The following PKIB variants were observed in gnomAD, a reference collection of about 807,000 sequenced individuals.
PKIB encodes the protein PKI-beta.
PKIB carries 2 observed loss-of-function variants against 4.5 expected under a neutral mutation model. The observed-to-expected ratio is 0.44, with a 90% CI of 0.18 to 1.39. The LOEUF (loss-of-function observed/expected upper bound fraction) is 1.39. Ranked by LOEUF, PKIB falls within the 40% of genes most tolerant of loss-of-function variation. The pLI, the probability that PKIB is intolerant of heterozygous loss-of-function variation, is 0.27. For synonymous variants in PKIB, 38 were observed against 36.0 expected (o/e 1.06, Z -0.20); for missense variants, 94 against 92.6 (o/e 1.02, Z -0.06).
At chr6:122,618,372 T>C (rs992154089) in intron 1 of PKIB, among the ~76,000 whole-genome samples, 4 of 152,108 alleles carry the variant, frequency 2.6e-5, no homozygotes, top group African/African-American at 9.7e-5. Context: ...CCTTTATCAT[T>C]ACATAATAAT....
chr6:122,642,086 G>A lies in PKIB; in HGVS notation c.-76+8719G>A, dbSNP rs1013700966. Among the ~76,000 whole-genome samples, 8 of 152,278 alleles carry A rather than the reference G, an allele frequency of 5.3e-5. No homozygotes were observed. In the East Asian group the frequency reaches 5.8e-4, roughly 11 times the overall value. On this transcript the variant is annotated intron_variant, in intron 2 of 4. Coordinates refer to ENST00000368452, the MANE Select transcript of PKIB (RefSeq NM_181795.3). ...CAAGAGACCTCCCATTGAACTGTAC[G>A]GAAATACATAGCTATAGTTAATCAA...
intron 3 of PKIB, among the ~76,000 whole-genome samples, chr6:122,591,243 C>T (rs780500156): frequency 1.5e-4 from 22 of 151,392 alleles, no homozygotes; most frequent in Admixed American, 2.6e-4. Flanking sequence ...ACACGTTTTC[C>T]CAGATTAGAC....
chr6:122,530,036 C>T (rs1001161767), intron 2 of PKIB, among the ~76,000 whole-genome samples: 1 of 151,506 alleles, frequency 6.6e-6, no homozygotes, highest in African/African-American at 2.4e-5. Context: ...CCCCTTCTTT[C>T]TCTCCTCTCC....
chr6:122,637,774 ATAAT>A (rs1775982981), intron 2 of PKIB, among the ~76,000 whole-genome samples: 1 of 151,634 alleles, frequency 6.6e-6, no homozygotes, highest in South Asian at 2.1e-4. Flanking sequence ...AAAAATCATA[ATAAT>A]TAATAAATAA....
chr6:122,631,817 T>G (rs1244914302), intron 1 of PKIB, among the ~76,000 whole-genome samples: 1 of 152,174 alleles, frequency 6.6e-6, no homozygotes, highest in African/African-American at 2.4e-5. Context: ...GTAAGCTATG[T>G]GAGAAGCAAA....
chr6:122,567,126 A>G (rs942104378), intron 2 of PKIB, among the ~76,000 whole-genome samples: 2 of 152,220 alleles, frequency 1.3e-5, no homozygotes, highest in African/African-American at 4.8e-5. Context: ...TTCTCAGACT[A>G]TACCATTCTA....
intron 2 of PKIB, among the ~76,000 whole-genome samples, chr6:122,559,142 G>C (rs1408386918): frequency 6.6e-6 from 1 of 151,668 alleles, no homozygotes; most frequent in Non-Finnish European, 1.5e-5. Context: ...CTGATATCCA[G>C]AATCAACAAC....
chr6:122,674,655 AC>A (rs1211679102), intron 2 of PKIB, among the ~76,000 whole-genome samples: 2 of 152,188 alleles, frequency 1.3e-5, no homozygotes, highest in Non-Finnish European at 2.9e-5. Flanking sequence ...AAGATTCTCT[AC>A]AATTATATTC....
At chr6:122,564,068 C>G (rs1773110068) in intron 2 of PKIB, among the ~76,000 whole-genome samples, 1 of 152,176 alleles carries the variant, frequency 6.6e-6, no homozygotes, top group African/African-American at 2.4e-5. Flanking sequence ...TGGCTCAGCT[C>G]CAGGTAAGGT....
intron 2 of PKIB, among the ~76,000 whole-genome samples, chr6:122,497,908 T>A (rs1424318345): frequency 2.6e-5 from 4 of 152,280 alleles, no homozygotes; most frequent in African/African-American, 9.6e-5. Context: ...AACCACAGAA[T>A]ATACATTCTT....
intron 3 of PKIB, among the ~76,000 whole-genome samples, chr6:122,595,236 A>C (rs564060344): frequency 1.3e-5 from 2 of 152,306 alleles, no homozygotes; most frequent in African/African-American, 4.8e-5. Context: ...CAGAGCATAC[A>C]TGGCTTTCTG....
chr6:122,486,981 A>G (rs1179287051), intron 2 of PKIB, among the ~76,000 whole-genome samples: 1 of 152,128 alleles, frequency 6.6e-6, no homozygotes, highest in Non-Finnish European at 1.5e-5. Flanking sequence ...ATTAAAAATA[A>G]GTTGTAGACA....
chr6:122,517,054 T>C (rs1776780550), intron 2 of PKIB, among the ~76,000 whole-genome samples: 1 of 152,212 alleles, frequency 6.6e-6, no homozygotes, highest in Non-Finnish European at 1.5e-5. Flanking sequence ...TCTCAGCTTT[T>C]TAGAGGTTAA....
intron 3 of PKIB, among the ~76,000 whole-genome samples, chr6:122,589,130 A>G (rs923412223): frequency 2.0e-5 from 3 of 152,166 alleles, no homozygotes; most frequent in African/African-American, 7.2e-5. Flanking sequence ...ACCCTAGAGT[A>G]ATGCATGTTT....
chr6:122,506,163 T>G (rs1043521119), intron 2 of PKIB, among the ~76,000 whole-genome samples: 1 of 152,198 alleles, frequency 6.6e-6, no homozygotes, highest in African/African-American at 2.4e-5. Context: ...TTTTTTTAAA[T>G]CTTTACCAGT....
intron 2 of PKIB, chr6:122,644,777 A>C (rs1056940158): frequency 6.6e-6 from 1 of 152,138 alleles, no homozygotes; most frequent in Non-Finnish European, 1.5e-5. Flanking sequence ...TGGTGAAAAC[A>C]TTGTTTCTAT....
Position 122,639,049 on chromosome 6 carries a change from T to G in PKIB, c.-76+5682T>G, listed in dbSNP as rs184142834. ...AAAGTCTGGAAGTAGTCAAAAGAAC[T>G]GTGTAAAATGTTTTCTTCTCTTGGC... On this transcript the variant is annotated intron_variant, in intron 2 of 4. Coordinates refer to ENST00000368452, the MANE Select transcript of PKIB (RefSeq NM_181795.3). 9.6e-3 allele frequency among the ~76,000 whole-genome samples: 1,468 copies of G among 152,324 alleles called. 28 individuals carry two copies. The highest frequency in any genetic ancestry group is 0.033 in the African/African-American group (1,377 of 41,576).
chr6:122,538,982 T>G (rs1321595292), intron 2 of PKIB, among the ~76,000 whole-genome samples: 1 of 152,032 alleles, frequency 6.6e-6, no homozygotes, highest in Non-Finnish European at 1.5e-5. Flanking sequence ...GCTCTCTGTT[T>G]GTCTGTTATT....
chr6:122,542,277 A>G (rs897341735), intron 2 of PKIB, among the ~76,000 whole-genome samples: 1 of 151,808 alleles, frequency 6.6e-6, no homozygotes, highest in African/African-American at 2.4e-5. Flanking sequence ...TAGAGTTTCC[A>G]GTTTTTCTGC....
Sources: allele counts gnomAD v4.1 joint callset (sites outside exome capture counted in the v4.1 genomes callset), GRCh38; gene constraint gnomAD v4.1.1; transcripts MANE v1.5; gene names NCBI Gene and HGNC (gene_info 2026-07-23, HGNC 2026-07-21).